EPB41L5: variants seen among roughly 807,000 people sequenced by gnomAD.
EPB41L5 encodes band 4.1-like protein 5.
A neutral mutation model predicts 106.6 loss-of-function variants in EPB41L5; 55 were observed. The observed-to-expected ratio is 0.52, with a 90% CI of 0.42 to 0.65. The LOEUF (loss-of-function observed/expected upper bound fraction) is 0.65. Among genes scored for constraint, EPB41L5 ranks in the 30% least tolerant of loss-of-function variants. The probability of loss-of-function intolerance (pLI) is 0.00; values close to 1 mark genes in which losing one functional copy is unlikely to be tolerated. For synonymous variants in EPB41L5, 297 were observed against 306.7 expected (o/e 0.97, Z 0.33); for missense variants, 871 against 882.1 (o/e 0.99, Z 0.16).
intron 20 of EPB41L5, among the ~76,000 whole-genome samples, chr2:120,157,897 T>A (rs1686969709): frequency 6.6e-6 from 1 of 150,456 alleles, no homozygotes; most frequent in African/African-American, 2.5e-5. Context: ...ATAAACACAA[T>A]CAGAAACAAC....
At chr2:120,158,691 C>T (rs1687006530) in intron 20 of EPB41L5, among the ~76,000 whole-genome samples, 1 of 152,130 alleles carries the variant, frequency 6.6e-6, no homozygotes, top group East Asian at 1.9e-4. Flanking sequence ...GACAAGGATG[C>T]CCTCTCTCAC....
At chr2:120,051,137 A>G (rs570634640) in intron 3 of EPB41L5, among the ~76,000 whole-genome samples, 8 of 152,312 alleles carry the variant, frequency 5.3e-5, no homozygotes, top group African/African-American at 1.7e-4. Context: ...GTCCATTCTC[A>G]GATCTCAAAC....
chr2:120,116,446 G>A (rs1684951526), intron 16 of EPB41L5, among the ~76,000 whole-genome samples: 1 of 152,158 alleles, frequency 6.6e-6, no homozygotes, highest in African/African-American at 2.4e-5. Flanking sequence ...ATTAGGAAAA[G>A]CCTTATACTG....
intron 16 of EPB41L5, among the ~76,000 whole-genome samples, chr2:120,119,393 A>C (rs1437856325): frequency 2.6e-5 from 4 of 151,972 alleles, no homozygotes; most frequent in Non-Finnish European, 5.9e-5. Flanking sequence ...CTTTTGTTGC[A>C]GTTGCTTTTG....
At chr2:120,160,838 T>A in intron 20 of EPB41L5, 43 bp from the exon 21 acceptor site, 1 of 1,425,398 alleles carries the variant, frequency 7.0e-7, no homozygotes, top group Non-Finnish European at 9.9e-7. Flanking sequence ...TGCCTGTACC[T>A]GTACAGGTCC....
intron 16 of EPB41L5, among the ~76,000 whole-genome samples, chr2:120,115,917 C>T (rs900011428): frequency 6.6e-6 from 1 of 152,104 alleles, no homozygotes; most frequent in Non-Finnish European, 1.5e-5. Flanking sequence ...TCAGGCGATT[C>T]TCATACCTCA....
intron 3 of EPB41L5, among the ~76,000 whole-genome samples, chr2:120,054,572 C>T (rs879345878): frequency 7.3e-5 from 11 of 150,990 alleles, no homozygotes; most frequent in Admixed American, 2.6e-4. Context: ...GGTGCAATTT[C>T]GGCTCACTGC....
In EPB41L5 at chr2:120,074,251, A is replaced by G. The variant is rs182900835; in HGVS notation, c.407+73A>G. On this transcript the variant is annotated intron_variant, in intron 5 of 24. Coordinates refer to ENST00000263713, the MANE Select transcript of EPB41L5 (RefSeq NM_020909.4). ...AAAGACTGTCTTTATATTGTTTCCA[A>G]TTTATAGCCAGCTAATAAAATGGAT... The G allele has an allele frequency of 4.5e-6, 5 of 1,116,454 alleles. No individual in the cohort carries two copies. The Admixed American group carries it at 9.5e-5, about 21-fold the overall frequency. 69.2% of individuals were successfully genotyped at this position (1,116,454 alleles called of 1,614,324 possible). A position where few individuals can be genotyped will look rare whatever the true frequency, so the allele number is the denominator to read the frequency against.
At chr2:120,167,623 T>A in intron 23 of EPB41L5, 116 bp downstream of exon 23, 1 of 1,110,462 alleles carries the variant, frequency 9.0e-7, no homozygotes, top group Non-Finnish European at 1.3e-6. Flanking sequence ...CAAAGCCTTG[T>A]TAACTGAACT....
intron 18 of EPB41L5, among the ~76,000 whole-genome samples, chr2:120,132,655 T>C (rs1299877300): frequency 6.6e-6 from 1 of 152,236 alleles, no homozygotes. Context: ...GGCTTTCCAT[T>C]TTCTTGACTT....
intron 2 of EPB41L5, among the ~76,000 whole-genome samples, chr2:120,023,660 T>C (rs893081863): frequency 6.6e-6 from 1 of 152,226 alleles, no homozygotes; most frequent in African/African-American, 2.4e-5. Context: ...GTCTTGGCTA[T>C]ACGGGCTCTT....
intron 3 of EPB41L5, among the ~76,000 whole-genome samples, chr2:120,070,576 C>A (rs1287741979): frequency 6.6e-6 from 1 of 152,130 alleles, no homozygotes; most frequent in Non-Finnish European, 1.5e-5. Context: ...AACATCAATG[C>A]GAAAATCCTC....
intron 10 of EPB41L5, among the ~76,000 whole-genome samples, chr2:120,085,401 C>G (rs1682989639): frequency 6.6e-6 from 1 of 152,184 alleles, no homozygotes; most frequent in Non-Finnish European, 1.5e-5. Flanking sequence ...CTGGGTATCA[C>G]CAGTGGAGGC....
Position 120,142,983 on chromosome 2 carries a change from T to C in EPB41L5, c.1600-20T>C. 1 of 1,602,796 alleles carries C rather than the reference T, an allele frequency of 6.2e-7. No individual in the cohort carries two copies. The highest frequency in any genetic ancestry group is 8.5e-7 in the Non-Finnish European group (1 of 1,170,896). ...TATAGTGCATCAGAGTTGATTATAG[T>C]ATATTTTTAAAATATCTAGGAGGAA... is the stretch of plus-strand genomic sequence containing the variant. On this transcript the variant is annotated intron_variant, in intron 18 of 24. Transcript: ENST00000263713.
intron 3 of EPB41L5, among the ~76,000 whole-genome samples, chr2:120,056,576 G>A (rs894987319): frequency 5.3e-5 from 8 of 152,026 alleles, no homozygotes. Flanking sequence ...TGGGATTACA[G>A]GTGTGAGCCA....
At chr2:120,080,985 G>A (rs1028454019) in intron 10 of EPB41L5, among the ~76,000 whole-genome samples, 5 of 151,996 alleles carry the variant, frequency 3.3e-5, no homozygotes, top group African/African-American at 9.7e-5. Context: ...ATTTGTTTGA[G>A]TTCTTTGTAG....
chr2:120,153,491 TC>T (rs1233873469), intron 20 of EPB41L5, among the ~76,000 whole-genome samples: 3 of 152,194 alleles, frequency 2.0e-5, no homozygotes, highest in African/African-American at 7.2e-5. Context: ...CTATATATGT[TC>T]ATTAGGGCTC....
At chr2:120,163,207 A>G (rs1687209211) in intron 21 of EPB41L5, among the ~76,000 whole-genome samples, 2 of 145,590 alleles carry the variant, frequency 1.4e-5, no homozygotes, top group African/African-American at 5.1e-5. Flanking sequence ...GTGAGCTATG[A>G]TTGTACCATT....
chr2:120,148,902 T>C (rs1686534985), intron 20 of EPB41L5, among the ~76,000 whole-genome samples: 1 of 152,158 alleles, frequency 6.6e-6, no homozygotes, highest in South Asian at 2.1e-4. Context: ...TCCTCAGTCA[T>C]ATGGTAACTC....
Sources: allele counts gnomAD v4.1 joint callset (sites outside exome capture counted in the v4.1 genomes callset), GRCh38; gene constraint gnomAD v4.1.1; transcripts MANE v1.5; gene names NCBI Gene and HGNC (gene_info 2026-07-23, HGNC 2026-07-21).